F13A1: variants seen among roughly 807,000 people sequenced by gnomAD.
F13A1 encodes the protein coagulation factor XIII A chain.
Under a neutral mutation model 80.1 loss-of-function variants are expected in F13A1, and 47 were observed. That is an observed-to-expected ratio of 0.59 (90% CI 0.46 to 0.75). The LOEUF (loss-of-function observed/expected upper bound fraction) is 0.75. Among genes scored for constraint, F13A1 ranks in the 30% least tolerant of loss-of-function variants. The pLI is 0.00. For missense variants in F13A1, 817 were observed against 930.4 expected (o/e 0.88, Z 1.59); for synonymous variants, 349 against 344.9 (o/e 1.01, Z -0.13).
intron 14 of F13A1, 41 bp from the exon 15 acceptor site, chr6:6,145,813 C>T (rs1474488098): frequency 6.2e-7 from 1 of 1,613,826 alleles, no homozygotes; most frequent in African/African-American, 1.3e-5. Context: ...GAAGATCCAG[C>T]TTTCCACTTT....
chr6:6,318,487 C>T (rs1263704575), intron 2 of F13A1, 48 bp downstream of exon 2: 20 of 1,580,230 alleles, frequency 1.3e-5, no homozygotes, highest in Admixed American at 1.9e-5. Flanking sequence ...GGCCAGGGCC[C>T]GGCTGTGCCT....
At chr6:6,225,400 A>G (rs945503733) in intron 6 of F13A1, among the ~76,000 whole-genome samples, 8 of 152,252 alleles carry the variant, frequency 5.3e-5, no homozygotes, top group African/African-American at 1.9e-4. Context: ...GAATTGAAAA[A>G]GTTAACAGAT....
chr6:6,198,893 A>G, intron 8 of F13A1, among the ~76,000 whole-genome samples: 1 of 152,216 alleles, frequency 6.6e-6, no homozygotes, highest in East Asian at 1.9e-4. Flanking sequence ...CAAAGTCTCC[A>G]GGTATTTGGG....
At chr6:6,260,511 G>A (rs909623690) in intron 4 of F13A1, among the ~76,000 whole-genome samples, 13 of 152,176 alleles carry the variant, frequency 8.5e-5, no homozygotes, top group African/African-American at 3.1e-4. Flanking sequence ...CCATAGCGCT[G>A]AATCCTTTGT....
chr6:6,177,660 G>A (rs1343749994), intron 11 of F13A1, among the ~76,000 whole-genome samples: 1 of 152,228 alleles, frequency 6.6e-6, no homozygotes, highest in Non-Finnish European at 1.5e-5. Flanking sequence ...ATCTCATGCT[G>A]TTGGAAACCC....
At chr6:6,238,259 T>C (rs1479082219) in intron 6 of F13A1, among the ~76,000 whole-genome samples, 1 of 152,210 alleles carries the variant, frequency 6.6e-6, no homozygotes, top group East Asian at 1.9e-4. Context: ...AATGAAAGCC[T>C]TTCCAACAGT....
chr6:6,222,482 C>T (rs565101066), intron 7 of F13A1, among the ~76,000 whole-genome samples: 3 of 152,076 alleles, frequency 2.0e-5, no homozygotes, highest in Admixed American at 6.5e-5. Flanking sequence ...TTATTTTAGT[C>T]CCATGAATGG....
At chr6:6,169,961 T>C (rs1314293613) in intron 12 of F13A1, among the ~76,000 whole-genome samples, 2 of 152,184 alleles carry the variant, frequency 1.3e-5, no homozygotes, top group Non-Finnish European at 2.9e-5. Flanking sequence ...AGGTCCTGCC[T>C]TTTGGAATGA....
chr6:6,243,943 A>G lies in F13A1; in HGVS notation c.798+4369T>C, dbSNP rs924585326. Among the ~76,000 whole-genome samples the G allele has an allele frequency of 6.6e-6, 1 of 152,228 alleles. No individual in the cohort carries two copies. Among genetic ancestry groups the G allele is most frequent in the African/African-American group, 2.4e-5 (1 of 41,460 alleles). ...TCTCCTTGGGGGAAATTCTCTGCCC[A>G]TAGTTGCTGCCAGATCCTATCAGTC... On this transcript the variant is annotated intron_variant, in intron 6 of 14. Coordinates refer to ENST00000264870, the MANE Select transcript of F13A1 (RefSeq NM_000129.4). This position sits in a 1 kb window ranked among gnomAD's most constrained non-coding sequence, Gnocchi z 4.2.
intron 12 of F13A1, among the ~76,000 whole-genome samples, chr6:6,173,460 G>T (rs1760812128): frequency 1.3e-5 from 2 of 150,728 alleles, no homozygotes; most frequent in African/African-American, 2.4e-5. Flanking sequence ...CAGGCTGGAG[G>T]GCAGTGGCAC....
At chr6:6,317,035 T>C (rs1583130375) in intron 2 of F13A1, among the ~76,000 whole-genome samples, 1 of 152,174 alleles carries the variant, frequency 6.6e-6, no homozygotes, top group Admixed American at 6.5e-5. Context: ...GTGTCATTAC[T>C]CCTCCTGTTC....
At chr6:6,161,109 T>C (rs1326054607) in intron 13 of F13A1, among the ~76,000 whole-genome samples, 2 of 152,082 alleles carry the variant, frequency 1.3e-5, no homozygotes, top group Non-Finnish European at 2.9e-5. Flanking sequence ...TGGAGGAACA[T>C]GTGAGTGTCT....
chr6:6,257,889 A>C (rs1229860732), intron 4 of F13A1, among the ~76,000 whole-genome samples: 1 of 152,192 alleles, frequency 6.6e-6, no homozygotes, highest in Non-Finnish European at 1.5e-5. Flanking sequence ...CTACAAAGAA[A>C]ATGTCAGAGC....
At chr6:6,278,120 G>A (rs984522194) in intron 3 of F13A1, among the ~76,000 whole-genome samples, 9 of 152,110 alleles carry the variant, frequency 5.9e-5, no homozygotes, top group African/African-American at 9.7e-5. Context: ...GATCTTTTTC[G>A]TCAACAGGTT....
At chr6:6,234,622 A>T (rs1002590891) in intron 6 of F13A1, among the ~76,000 whole-genome samples, 1 of 152,172 alleles carries the variant, frequency 6.6e-6, no homozygotes, top group Non-Finnish European at 1.5e-5. Flanking sequence ...AGGAACAGTG[A>T]AAATGGTAAT....
chr6:6,313,521 C>T (rs1485676496), intron 2 of F13A1, among the ~76,000 whole-genome samples: 1 of 152,076 alleles, frequency 6.6e-6, no homozygotes, highest in African/African-American at 2.4e-5. Flanking sequence ...AAATATTCTT[C>T]AGAGAATGAT....
chr6:6,310,769 T>G (rs1387191078), intron 2 of F13A1, among the ~76,000 whole-genome samples: 1 of 152,120 alleles, frequency 6.6e-6, no homozygotes, highest in Admixed American at 6.5e-5. Flanking sequence ...GCAATAATAA[T>G]CATAATAGCA....
chr6:6,311,158 G>T (rs1382091505), intron 2 of F13A1, among the ~76,000 whole-genome samples: 1 of 152,084 alleles, frequency 6.6e-6, no homozygotes, highest in Non-Finnish European at 1.5e-5. Context: ...TCTTGCTATA[G>T]TGCCTGGGGC....
chr6:6,193,136 C>T (rs1761232025), intron 10 of F13A1, among the ~76,000 whole-genome samples: 1 of 152,070 alleles, frequency 6.6e-6, no homozygotes, highest in Non-Finnish European at 1.5e-5. Flanking sequence ...CAAGCCCTGG[C>T]AGAAACCCAG....
Sources: gnomAD v4.1 joint callset for allele counts (sites outside exome capture counted in the v4.1 genomes callset) on GRCh38, gnomAD v4.1.1 for gene constraint, Gnocchi (gnomAD v3.1) non-coding constraint, MANE v1.5 for transcripts, NCBI Gene and HGNC (gene_info 2026-07-23, HGNC 2026-07-21) for gene names.